The following CCBE1 variants were observed in gnomAD, a reference collection of about 807,000 sequenced individuals.
CCBE1 encodes collagen and calcium-binding EGF domain-containing protein 1.
A neutral mutation model predicts 50.0 loss-of-function variants in CCBE1; 37 were observed. The ratio of observed to expected loss-of-function variants is 0.74; its 90% CI spans 0.57 to 0.97. The LOEUF (loss-of-function observed/expected upper bound fraction) is 0.97. Among genes scored for constraint, CCBE1 ranks in the 50% least tolerant of loss-of-function variants. The pLI, the probability that CCBE1 is intolerant of heterozygous loss-of-function variation, is 0.00. For synonymous variants in CCBE1, 234 were observed against 203.7 expected (o/e 1.15, Z -1.27); for missense variants, 538 against 523.8 (o/e 1.03, Z -0.26).
chr18:59,658,563 A>G (rs1431333074), intron 2 of CCBE1, among the ~76,000 whole-genome samples: 1 of 144,272 alleles, frequency 6.9e-6, no homozygotes, highest in Non-Finnish European at 1.5e-5. Context: ...GCAAGGCCCT[A>G]CCTCTAAAAA....
intron 2 of CCBE1, among the ~76,000 whole-genome samples, chr18:59,692,228 C>T (rs973028902): frequency 4.6e-5 from 7 of 152,142 alleles, no homozygotes; most frequent in African/African-American, 1.2e-4. Flanking sequence ...GTAGTGATGA[C>T]GATGGGAGGT....
intron 2 of CCBE1, among the ~76,000 whole-genome samples, chr18:59,489,058 C>T (rs1237384237): frequency 6.6e-6 from 1 of 152,236 alleles, no homozygotes; most frequent in Non-Finnish European, 1.5e-5. Context: ...CACTCCTGCT[C>T]AAAGACACAA....
intron 2 of CCBE1, among the ~76,000 whole-genome samples, chr18:59,665,923 G>A (rs2054349025): frequency 6.6e-6 from 1 of 152,190 alleles, no homozygotes; most frequent in South Asian, 2.1e-4. Flanking sequence ...AATATATCAT[G>A]TACAAAACAC....
rs540010706 is a variant in CCBE1 at position 59,460,712 on chromosome 18, G to A, written c.554-5761C>T. Among the ~76,000 whole-genome samples, 45 of 152,192 alleles carry A rather than the reference G, an allele frequency of 3.0e-4. No homozygotes were observed. In the Middle Eastern group the frequency reaches 0.02, roughly 69 times the overall value. ...ATTGGGAGGTCAAGGCAGGCAGATCGCCTGAGATCGGGAGTTCGAGACCAG... is the reference window on the plus strand; with the variant it reads ...ATTGGGAGGTCAAGGCAGGCAGATCACCTGAGATCGGGAGTTCGAGACCAG... On this transcript the variant is annotated intron_variant, in intron 5 of 10. Transcript: ENST00000439986.
intron 2 of CCBE1, among the ~76,000 whole-genome samples, chr18:59,583,726 G>T (rs2053130058): frequency 6.6e-6 from 1 of 151,646 alleles, no homozygotes; most frequent in Non-Finnish European, 1.5e-5. Context: ...TGCGACTACT[G>T]AGTTGAAGAA....
chr18:59,697,141 C>T, intron 1 of CCBE1, 71 bp downstream of exon 1: 2 of 1,540,958 alleles, frequency 1.3e-6, no homozygotes, highest in Non-Finnish European at 1.8e-6. Context: ...CCGGGGAGGA[C>T]CGCCCGCACC....
At chr18:59,648,223 C>A (rs2054080947) in intron 2 of CCBE1, among the ~76,000 whole-genome samples, 2 of 152,354 alleles carry the variant, frequency 1.3e-5, no homozygotes, top group East Asian at 3.9e-4. Context: ...CATAAACACA[C>A]ACACATTCCC....
intron 2 of CCBE1, among the ~76,000 whole-genome samples, chr18:59,579,424 G>C (rs530398828): frequency 1.3e-5 from 2 of 150,774 alleles, no homozygotes; most frequent in South Asian, 4.2e-4. Context: ...AGATTCCTAC[G>C]TCCCAGCCCC....
rs532621222 is a variant in CCBE1, at chr18:59,502,963, C to T, written c.213-22725G>A. 3.9e-5 allele frequency among the ~76,000 whole-genome samples: 6 copies of T among 152,324 alleles called. 1 individual carries two copies. Among genetic ancestry groups the T allele is most frequent in the East Asian group, 1.9e-4 (1 of 5,188 alleles). ...TTACAAAGGAACAGTGACCAACAAA[C>T]GGCAATCCACGATCATGGCCAGAGG... On this transcript the variant is annotated intron_variant, in intron 2 of 10. Transcript: ENST00000439986.
In CCBE1 at chr18:59,525,507, G is replaced by A. The variant is rs776952901; in HGVS notation, c.213-45269C>T. Among the ~76,000 whole-genome samples, 6 of 152,266 alleles carry A rather than the reference G, an allele frequency of 3.9e-5. No homozygotes were observed. The East Asian group carries it at 5.8e-4, about 15-fold the overall frequency. ...CGTAGATTCTGAATATTAGAACTTCGTTAGATGGACAGATTGCAAAAATTT... is the reference window on the plus strand; with the variant it reads ...CGTAGATTCTGAATATTAGAACTTCATTAGATGGACAGATTGCAAAAATTT... On this transcript the variant is annotated intron_variant, in intron 2 of 10. Transcript: ENST00000439986.
At chr18:59,670,470 C>T (rs543063801) in intron 2 of CCBE1, among the ~76,000 whole-genome samples, 2 of 152,288 alleles carry the variant, frequency 1.3e-5, no homozygotes, top group African/African-American at 4.8e-5. Context: ...ACATGACCAG[C>T]TTCTTTCATA....
At chr18:59,663,877 G>A (rs1345784746) in intron 2 of CCBE1, among the ~76,000 whole-genome samples, 2 of 152,152 alleles carry the variant, frequency 1.3e-5, no homozygotes, top group East Asian at 1.9e-4. Flanking sequence ...TGGGAAGTTG[G>A]TGAAGTCACT....
At chr18:59,466,715 G>A (rs748228374) in intron 5 of CCBE1, 24 bp downstream of exon 5, 3 of 1,585,184 alleles carry the variant, frequency 1.9e-6, no homozygotes, top group East Asian at 2.3e-5. Context: ...TAATTAGGGA[G>A]ATATTTAGAC....
chr18:59,617,915 C>T (rs747471488), intron 2 of CCBE1, among the ~76,000 whole-genome samples: 10 of 152,176 alleles, frequency 6.6e-5, no homozygotes, highest in African/African-American at 9.7e-5. Context: ...ACTTTCATAT[C>T]ATGCAGAATT....
intron 2 of CCBE1, among the ~76,000 whole-genome samples, chr18:59,587,988 TAAG>T (rs1251982833): frequency 3.3e-5 from 5 of 152,210 alleles, no homozygotes; most frequent in Admixed American, 2.6e-4. Flanking sequence ...TAGAGAAGGC[TAAG>T]AAGAAATCGG....
At chr18:59,578,701 C>A (rs1413942682) in intron 2 of CCBE1, among the ~76,000 whole-genome samples, 1 of 144,050 alleles carries the variant, frequency 6.9e-6, no homozygotes, top group Non-Finnish European at 1.5e-5. Context: ...GAACAGAAAA[C>A]CACTGAAAAC....
chr18:59,556,940 C>T (rs555109490), intron 2 of CCBE1, among the ~76,000 whole-genome samples: 1 of 152,198 alleles, frequency 6.6e-6, no homozygotes, highest in South Asian at 2.1e-4. Context: ...ATTCCCAGCC[C>T]TGCCATGTTT....
chr18:59,476,986 T>C lies in CCBE1; in HGVS notation c.265+3200A>G, dbSNP rs145343549. ...AATTTTTGCTTCCTGTTCCTATAAC[T>C]TTATGTTATATTGGCCTAGAGGGCC... On this transcript the variant is annotated intron_variant, in intron 3 of 10. Coordinates refer to ENST00000439986, the MANE Select transcript of CCBE1 (RefSeq NM_133459.4). Among the ~76,000 whole-genome samples the C allele has an allele frequency of 3.3e-3, 499 of 152,342 alleles. 3 individuals are homozygous for C. The highest frequency in any genetic ancestry group is 0.011 in the African/African-American group (471 of 41,572).
intron 2 of CCBE1, among the ~76,000 whole-genome samples, chr18:59,588,600 T>C (rs192609987): frequency 1.3e-5 from 2 of 152,310 alleles, no homozygotes; most frequent in African/African-American, 4.8e-5. Context: ...TTCTACCAGA[T>C]AGCAAGAAGT....
Sources: allele counts gnomAD v4.1 joint callset (sites outside exome capture counted in the v4.1 genomes callset), GRCh38; gene constraint gnomAD v4.1.1; transcripts MANE v1.5; gene names NCBI Gene and HGNC (gene_info 2026-07-23, HGNC 2026-07-21).